ARB2A: variants seen among roughly 807,000 people sequenced by gnomAD.
ARB2A encodes the protein ARB2 cotranscriptional regulator A.
At chr5:94,035,253 A>ACATATACATATACATATG in the ARB2A span, among the ~76,000 whole-genome samples, 216 of 152,088 alleles carry the variant, frequency 1.4e-3, 1 homozygote, top group African/African-American at 5.0e-3. Context: ...ATATACATAT[A>ACATATACATATACATATG]CATCACTATA....
At chr5:94,024,339 C>T in the ARB2A span, among the ~76,000 whole-genome samples, 2 of 152,316 alleles carry the variant, frequency 1.3e-5, no homozygotes, top group South Asian at 4.1e-4. Context: ...TGGACTCAAA[C>T]TGCAACTCAT....
the ARB2A span, among the ~76,000 whole-genome samples, chr5:93,975,633 T>C: frequency 2.0e-5 from 3 of 151,928 alleles, no homozygotes; most frequent in Non-Finnish European, 2.9e-5. Flanking sequence ...ATATAAAAGA[T>C]CCTCAGAGAC....
chr5:93,944,436 AAAAT>A, the ARB2A span, among the ~76,000 whole-genome samples: 1 of 152,056 alleles, frequency 6.6e-6, no homozygotes, highest in Non-Finnish European at 1.5e-5. Flanking sequence ...TCTCGCCAAA[AAAAT>A]AAATAAATAA....
At chr5:93,974,747 A>T in the ARB2A span, among the ~76,000 whole-genome samples, 1 of 152,178 alleles carries the variant, frequency 6.6e-6, no homozygotes, top group African/African-American at 2.4e-5. Flanking sequence ...ATTAAAAAAT[A>T]AAATAAATAA....
chr5:93,900,755 A>C, the ARB2A span, among the ~76,000 whole-genome samples: 2 of 152,110 alleles, frequency 1.3e-5, no homozygotes, highest in Admixed American at 6.5e-5. Flanking sequence ...ACATAAGTTT[A>C]TCAGCCATAA....
the ARB2A span, among the ~76,000 whole-genome samples, chr5:93,621,729 C>T: frequency 6.6e-6 from 1 of 152,242 alleles, no homozygotes; most frequent in Non-Finnish European, 1.5e-5. Flanking sequence ...ACACAATTAC[C>T]TCAGCTAGGT....
chr5:93,649,271 T>C, the ARB2A span, among the ~76,000 whole-genome samples: 2 of 152,172 alleles, frequency 1.3e-5, no homozygotes, highest in Admixed American at 6.5e-5. Context: ...CTCACATTGG[T>C]CACAATGATA....
the ARB2A span, among the ~76,000 whole-genome samples, chr5:93,780,134 C>T: frequency 6.6e-6 from 1 of 152,108 alleles, no homozygotes; most frequent in Admixed American, 6.5e-5. Context: ...TGTAAATCGC[C>T]ATTGCTTTAA....
At chr5:93,967,378 C>G in the ARB2A span, among the ~76,000 whole-genome samples, 2 of 152,084 alleles carry the variant, frequency 1.3e-5, no homozygotes, top group African/African-American at 2.4e-5. Context: ...GCTGAACAAA[C>G]TGAAAGTCAA....
chr5:93,619,682 T>C, the ARB2A span: 1 of 152,250 alleles, frequency 6.6e-6, no homozygotes, highest in Non-Finnish European at 1.5e-5. Context: ...TAAAATATAA[T>C]GTGAAATTTT....
the ARB2A span, among the ~76,000 whole-genome samples, chr5:93,920,507 T>TTACAGA: frequency 6.6e-6 from 1 of 152,030 alleles, no homozygotes. Context: ...TTCAGAAAAC[T>TTACAGA]TACAGATGAA....
At chr5:93,930,356 C>T in the ARB2A span, among the ~76,000 whole-genome samples, 2 of 152,162 alleles carry the variant, frequency 1.3e-5, no homozygotes, top group African/African-American at 4.8e-5. Context: ...CCTGAAACAA[C>T]AGTGCCCCAC....
chr5:94,008,399 G>C, the ARB2A span, among the ~76,000 whole-genome samples: 1 of 152,168 alleles, frequency 6.6e-6, no homozygotes, highest in Non-Finnish European at 1.5e-5. Context: ...ATTAAATGTA[G>C]ATTCTCATTC....
chr5:93,819,905 T>C, the ARB2A span, among the ~76,000 whole-genome samples: 16 of 152,182 alleles, frequency 1.1e-4, no homozygotes, highest in African/African-American at 3.9e-4. Context: ...GTTCCCTTCA[T>C]TCCTTAATTC....
At chr5:93,850,105 T>C in the ARB2A span, among the ~76,000 whole-genome samples, 1 of 152,194 alleles carries the variant, frequency 6.6e-6, no homozygotes, top group Non-Finnish European at 1.5e-5. Flanking sequence ...TAACTTCAGA[T>C]CCCATGATCT....
the ARB2A span, among the ~76,000 whole-genome samples, chr5:93,906,430 T>C: frequency 7.3e-5 from 11 of 151,444 alleles, no homozygotes; most frequent in Non-Finnish European, 1.0e-4. Flanking sequence ...CTTAAAATAC[T>C]CGAGGTCTGA....
At chr5:94,102,240 G>C in the ARB2A span, among the ~76,000 whole-genome samples, 1 of 152,030 alleles carries the variant, frequency 6.6e-6, no homozygotes, top group Admixed American at 6.6e-5. Context: ...TCAAGATTCA[G>C]GAGAAAGCTG....
chr5:94,041,026 G>A, the ARB2A span, among the ~76,000 whole-genome samples: 1 of 152,226 alleles, frequency 6.6e-6, no homozygotes, highest in Non-Finnish European at 1.5e-5. Flanking sequence ...GAACCCAGAA[G>A]CCTGGCATGT....
chr5:93,803,704 C>T, the ARB2A span, among the ~76,000 whole-genome samples: 1 of 92,832 alleles, frequency 1.1e-5, no homozygotes. Flanking sequence ...TATTCCTGAA[C>T]TTAAAAGTTA....
Sources: allele counts gnomAD v4.1 joint callset (sites outside exome capture counted in the v4.1 genomes callset), GRCh38; gene constraint gnomAD v4.1.1; transcripts MANE v1.5; gene names NCBI Gene and HGNC (gene_info 2026-07-23, HGNC 2026-07-21).